The following SYCP1 variants were observed in gnomAD, a reference collection of about 807,000 sequenced individuals.
SYCP1 encodes cancer/testis antigen 8.
In SYCP1, 64 loss-of-function variants were observed where a neutral mutation model predicts 153.1. That is an observed-to-expected ratio of 0.42 (90% CI 0.34 to 0.51). The LOEUF is 0.51. Ranked by LOEUF, SYCP1 falls within the 20% of genes least tolerant of loss-of-function variation. SYCP1 has a pLI of 0.06. For missense variants in SYCP1, 997 were observed against 1,049.0 expected (o/e 0.95, Z 0.68); for synonymous variants, 384 against 341.8 (o/e 1.12, Z -1.36).
At chr1:114,987,386 G>T (rs1226459213) in intron 30 of SYCP1, among the ~76,000 whole-genome samples, 2 of 151,984 alleles carry the variant, frequency 1.3e-5, no homozygotes, top group Non-Finnish European at 2.9e-5. Flanking sequence ...AACAACAAGG[G>T]CCAGGCACAA....
At chr1:114,933,152 G>A (rs1669752083) in intron 23 of SYCP1, among the ~76,000 whole-genome samples, 2 of 152,156 alleles carry the variant, frequency 1.3e-5, no homozygotes, top group South Asian at 4.1e-4. Context: ...TCCCAGTAGG[G>A]GCAGACTGAC....
In SYCP1 at chr1:114,895,429, T is replaced by A; in HGVS notation, c.1259-19T>A. 6.9e-7 allele frequency: 1 copy of A among 1,454,322 alleles called. No individual in the cohort carries two copies. Among genetic ancestry groups the A allele is most frequent in the Non-Finnish European group, 9.3e-7 (1 of 1,075,358 alleles). 90.1% of individuals were successfully genotyped at this position (1,454,322 alleles called of 1,614,324 possible). On this transcript the variant is annotated intron_variant, in intron 15 of 31. Transcript: ENST00000369522. Reference sequence around the variant, plus strand: ...TTTTAATCCAGCTTTTTAACACATTTTTTTTTTGCTCATTTTAGAAGAGAT... The same window carrying A: ...TTTTAATCCAGCTTTTTAACACATTATTTTTTTGCTCATTTTAGAAGAGAT...
intron 6 of SYCP1, among the ~76,000 whole-genome samples, chr1:114,859,302 G>T (rs1047596643): frequency 6.6e-6 from 1 of 152,090 alleles, no homozygotes; most frequent in Non-Finnish European, 1.5e-5. Context: ...TTACCAGGCT[G>T]GTCTTGAACT....
intron 16 of SYCP1, among the ~76,000 whole-genome samples, 199 bp downstream of exon 16, chr1:114,895,708 G>T (rs1459088177): frequency 6.6e-6 from 1 of 152,008 alleles, no homozygotes; most frequent in Non-Finnish European, 1.5e-5. Context: ...TCATCAAGCT[G>T]TTTATATCAT....
chr1:114,981,455 T>C lies in SYCP1; in HGVS notation c.2502T>C (p.Asp834=), dbSNP rs374445099. The C allele has an allele frequency of 5.6e-6, 9 of 1,608,996 alleles. No homozygotes were observed. The highest frequency in any genetic ancestry group is 8.5e-7 in the Non-Finnish European group (1 of 1,178,314). The change falls in exon 29 of 32, where the codon GAT becomes GAC. Residue 834 remains aspartate, a synonymous_variant. Transcript: ENST00000369522. ...FTSVDHGISK[D]KRDYLWTSAK... ...CAGTTGATCATGGCATATCCAAAGA[T>C]AAAAGAGACTATCTGTGGACATCTG...
At chr1:114,885,955 C>G (rs1018400928) in intron 13 of SYCP1, among the ~76,000 whole-genome samples, 170 bp from the exon 14 acceptor site, 5 of 151,862 alleles carry the variant, frequency 3.3e-5, no homozygotes, top group African/African-American at 1.2e-4. Flanking sequence ...ATTTGGAGAA[C>G]AGTGAATTGA....
At chr1:114,948,205 T>G (rs1020113933) in intron 27 of SYCP1, among the ~76,000 whole-genome samples, 1 of 152,184 alleles carries the variant, frequency 6.6e-6, no homozygotes, top group African/African-American at 2.4e-5. Context: ...CAAGGTGAAT[T>G]GATTCACCCT....
At chr1:114,923,418 A>G (rs776566578) in intron 20 of SYCP1, 31 bp from the exon 21 acceptor site, 32 of 1,528,332 alleles carry the variant, frequency 2.1e-5, no homozygotes, top group Non-Finnish European at 2.6e-5. Context: ...AATAATTTTT[A>G]GTATAATGTC....
At chr1:114,892,377 G>A (rs2101582000) in intron 15 of SYCP1, among the ~76,000 whole-genome samples, 1 of 152,212 alleles carries the variant, frequency 6.6e-6, no homozygotes, top group South Asian at 2.1e-4. Context: ...GATTGTTGTA[G>A]GTGGCAGCAG....
At chr1:114,914,731 G>T (rs1320505360) in intron 20 of SYCP1, among the ~76,000 whole-genome samples, 3 of 152,152 alleles carry the variant, frequency 2.0e-5, no homozygotes, top group African/African-American at 7.2e-5. Context: ...TCCAAATTAA[G>T]TCCAAAGAAG....
chr1:114,928,006 A>C (rs1669369335), intron 23 of SYCP1, among the ~76,000 whole-genome samples: 1 of 152,060 alleles, frequency 6.6e-6, no homozygotes. Context: ...TTTTTGGTAG[A>C]GATGGGGTTT....
At chr1:114,935,596 A>C (rs896196502) in intron 23 of SYCP1, among the ~76,000 whole-genome samples, 18 of 152,250 alleles carry the variant, frequency 1.2e-4, no homozygotes, top group Non-Finnish European at 2.5e-4. Flanking sequence ...ACCCTTCCAA[A>C]AAATCAATGA....
At chr1:114,988,326 C>T (rs781017172) in intron 30 of SYCP1, among the ~76,000 whole-genome samples, 23 of 151,806 alleles carry the variant, frequency 1.5e-4, no homozygotes, top group Non-Finnish European at 3.1e-4. Context: ...TACAAATTCA[C>T]GAAGCTCAAC....
Position 114,886,949 on chromosome 1 carries a change from TAG to T in SYCP1, c.1190+641_1190+642del, listed in dbSNP as rs149735045. On this transcript the variant is annotated intron_variant, in intron 14 of 31. Transcript: ENST00000369522. ...AGGAAATATTTATATAAAGCTGTGTTAGGAGGCCTAGATAATTATTTTTTGTC... is the reference window on the plus strand; with the variant it reads ...AGGAAATATTTATATAAAGCTGTGTTGAGGCCTAGATAATTATTTTTTGTC... Among the ~76,000 whole-genome samples the T allele has an allele frequency of 6.8e-3, 1,030 of 152,158 alleles. 7 individuals are homozygous for T. Among genetic ancestry groups the T allele is most frequent in the African/African-American group, 0.023 (973 of 41,546 alleles).
At chr1:114,964,554 A>G (rs560760390) in intron 27 of SYCP1, among the ~76,000 whole-genome samples, 28 of 152,186 alleles carry the variant, frequency 1.8e-4, no homozygotes, top group African/African-American at 6.3e-4. Flanking sequence ...ATTTTTGTAT[A>G]AGATGTAAGG....
At chr1:114,864,507 G>T (rs576244196) in intron 8 of SYCP1, among the ~76,000 whole-genome samples, 1 of 151,826 alleles carries the variant, frequency 6.6e-6, no homozygotes, top group African/African-American at 2.4e-5. Context: ...TTGATGGGGG[G>T]TGGGGTGGTC....
intron 20 of SYCP1, among the ~76,000 whole-genome samples, chr1:114,918,996 T>G (rs889732439): frequency 2.0e-5 from 3 of 152,068 alleles, no homozygotes; most frequent in African/African-American, 7.2e-5. Flanking sequence ...ATGCCCTTTA[T>G]TTCTTCCTTT....
chr1:114,897,074 C>T (rs902607715), intron 16 of SYCP1, among the ~76,000 whole-genome samples: 21 of 152,130 alleles, frequency 1.4e-4, no homozygotes, highest in African/African-American at 4.8e-4. Flanking sequence ...ACAGGCTGGT[C>T]GGAGGTTCTC....
chr1:114,869,093 T>C (rs1664946659), intron 8 of SYCP1, among the ~76,000 whole-genome samples: 1 of 152,216 alleles, frequency 6.6e-6, no homozygotes, highest in South Asian at 2.1e-4. Context: ...TGGATTTAAT[T>C]TGCTCTTCTC....
Sources: gnomAD v4.1 joint callset for allele counts (sites outside exome capture counted in the v4.1 genomes callset) on GRCh38, gnomAD v4.1.1 for gene constraint, MANE v1.5 for transcripts, NCBI Gene and HGNC (gene_info 2026-07-23, HGNC 2026-07-21) for gene names.